Variants in CEP112 observed in about 807,000 individuals in gnomAD.
CEP112 encodes centrosomal protein of 112 kDa.
CEP112 carries 127 observed loss-of-function variants against 153.0 expected under a neutral mutation model. That is an observed-to-expected ratio of 0.83 (90% CI 0.72 to 0.96). The LOEUF (loss-of-function observed/expected upper bound fraction) is 0.96, where lower values mean the gene tolerates loss of function less well. CEP112 is among the 40% of genes least tolerant of loss of function. The pLI, the probability that CEP112 is intolerant of heterozygous loss-of-function variation, is 0.00. For synonymous variants in CEP112, 358 were observed against 374.4 expected (o/e 0.96, Z 0.51); for missense variants, 1,089 against 1,101.2 (o/e 0.99, Z 0.16).
chr17:66,083,305 T>C (rs1042483384), intron 8 of CEP112, among the ~76,000 whole-genome samples: 1 of 152,174 alleles, frequency 6.6e-6, no homozygotes, highest in Non-Finnish European at 1.5e-5. Flanking sequence ...TTTGCTCCTC[T>C]TTTGCCTTCT....
At chr17:65,907,264 A>G (rs554920028) in intron 19 of CEP112, among the ~76,000 whole-genome samples, 78 of 152,332 alleles carry the variant, frequency 5.1e-4, no homozygotes, top group African/African-American at 1.8e-3. Flanking sequence ...TAGACTCATC[A>G]ATGATCATGC....
At chr17:65,908,418 C>T (rs1041353761) in intron 19 of CEP112, among the ~76,000 whole-genome samples, 17 of 151,850 alleles carry the variant, frequency 1.1e-4, no homozygotes, top group Non-Finnish European at 2.2e-4. Context: ...AAAAAGGGAC[C>T]GGGGCAGTGG....
intron 24 of CEP112, among the ~76,000 whole-genome samples, chr17:65,657,950 T>A (rs1398056313): frequency 6.6e-6 from 1 of 152,114 alleles, no homozygotes; most frequent in Non-Finnish European, 1.5e-5. Context: ...TTATGGAAGG[T>A]AGTAAAGGTT....
intron 19 of CEP112, among the ~76,000 whole-genome samples, chr17:65,915,130 T>G (rs2060428292): frequency 6.6e-6 from 1 of 152,184 alleles, no homozygotes; most frequent in African/African-American, 2.4e-5. Flanking sequence ...TTCCTCCACC[T>G]CTTCCTCATA....
At position 66,096,328 on chromosome 17, in the gene CEP112, T is replaced by A; in HGVS notation, c.691A>T (p.Met231Leu). The part of the protein sequence containing the change: ...LRQKPIPVSL[M>L]TPKFSLRKSS... ...TTTCTCAGGCTGAATTTCGGTGTCA[T>A]CTGCTAAATGAACAGGAGTTATTTA... is the stretch of plus-strand genomic sequence containing the variant. The change falls in exon 8 of 27, where the codon ATG becomes TTG. Residue 231 changes from methionine to leucine, a missense_variant and splice_region_variant. By Grantham distance (15) the Met-to-Leu change is conservative. Coordinates refer to ENST00000535342, the MANE Select transcript of CEP112 (RefSeq NM_001199165.4). 6.2e-7 allele frequency: 1 copy of A among 1,612,562 alleles called. No homozygotes were observed. The highest frequency in any genetic ancestry group is 8.5e-7 in the Non-Finnish European group (1 of 1,179,026).
intron 4 of CEP112, among the ~76,000 whole-genome samples, chr17:66,153,359 G>C (rs1001639332): frequency 6.6e-6 from 1 of 150,580 alleles, no homozygotes; most frequent in African/African-American, 2.5e-5. Flanking sequence ...GGAACACGAA[G>C]GAATGAACTA....
chr17:65,759,143 T>C (rs1274066353), intron 21 of CEP112, among the ~76,000 whole-genome samples: 1 of 152,114 alleles, frequency 6.6e-6, no homozygotes, highest in Non-Finnish European at 1.5e-5. Context: ...AGTTTACAAA[T>C]GCCAAGGCAA....
chr17:65,654,836 C>G (rs2045975118), intron 24 of CEP112: 1 of 413,978 alleles, frequency 2.4e-6, no homozygotes, highest in Non-Finnish European at 4.6e-6. Context: ...TGAATTTGTT[C>G]ATGAATCAAA....
At chr17:65,701,577 T>C (rs1256059770) in intron 23 of CEP112, among the ~76,000 whole-genome samples, 5 of 152,178 alleles carry the variant, frequency 3.3e-5, no homozygotes, top group Non-Finnish European at 5.9e-5. Context: ...TAGCTCTAAC[T>C]AGGGCTTGCC....
intron 20 of CEP112, among the ~76,000 whole-genome samples, chr17:65,880,507 G>T (rs746408383): frequency 6.6e-6 from 1 of 152,186 alleles, no homozygotes; most frequent in African/African-American, 2.4e-5. Context: ...TAATTCAACT[G>T]ACTGTGCAAG....
At chr17:66,032,539 C>A (rs4791095) in intron 12 of CEP112, among the ~76,000 whole-genome samples, 151,935 of 152,262 alleles carry the variant, frequency 1, 75,805 homozygotes, top group Non-Finnish European at 1. Context: ...CAAAGATTAC[C>A]AAGATTGCAA....
intron 21 of CEP112, among the ~76,000 whole-genome samples, chr17:65,851,157 C>G: frequency 6.6e-6 from 1 of 152,148 alleles, no homozygotes; most frequent in East Asian, 1.9e-4. Context: ...TCTTAAGAAA[C>G]TCAAGAGGCA....
At chr17:65,790,652 G>A (rs924767580) in intron 21 of CEP112, among the ~76,000 whole-genome samples, 6 of 152,142 alleles carry the variant, frequency 3.9e-5, no homozygotes, top group Non-Finnish European at 8.8e-5. Context: ...TCTAAACACA[G>A]GGCTCAGGCC....
At chr17:65,998,717 T>C (rs1461976528) in intron 17 of CEP112, among the ~76,000 whole-genome samples, 1 of 152,066 alleles carries the variant, frequency 6.6e-6, no homozygotes, top group Non-Finnish European at 1.5e-5. Flanking sequence ...TCTAAATGCT[T>C]TATATTAACT....
At chr17:65,682,856 A>G (rs1051609803) in intron 24 of CEP112, among the ~76,000 whole-genome samples, 4 of 152,184 alleles carry the variant, frequency 2.6e-5, no homozygotes, top group Non-Finnish European at 4.4e-5. Flanking sequence ...AAACAACTAT[A>G]ATCACACACG....
At chr17:65,971,305 ATG>A (rs1444325211) in intron 17 of CEP112, among the ~76,000 whole-genome samples, 29 of 150,262 alleles carry the variant, frequency 1.9e-4, no homozygotes, top group African/African-American at 5.1e-4. Flanking sequence ...TGCACGTTAC[ATG>A]TGTTTTACAA....
intron 24 of CEP112, among the ~76,000 whole-genome samples, chr17:65,660,347 TCTCG>T (rs1352288769): frequency 2.0e-4 from 7 of 34,664 alleles, no homozygotes; most frequent in Non-Finnish European, 3.7e-4. Context: ...TCTTTTTCTC[TCTCG>T]TTCCTTCCTC....
chr17:65,973,458 T>C (rs1275059408), intron 17 of CEP112, among the ~76,000 whole-genome samples: 3 of 152,230 alleles, frequency 2.0e-5, no homozygotes, highest in African/African-American at 4.8e-5. Flanking sequence ...ATTTGAACAC[T>C]TTCCAAGGTA....
chr17:65,654,028 T>C (rs7219440), intron 24 of CEP112, among the ~76,000 whole-genome samples: 68,591 of 135,060 alleles, frequency 0.51, 16,974 homozygotes, highest in Middle Eastern at 0.68. Context: ...CACTGTACTC[T>C]AGCCTGGCAA....
Sources: allele counts gnomAD v4.1 joint callset (sites outside exome capture counted in the v4.1 genomes callset), GRCh38; gene constraint gnomAD v4.1.1; transcripts MANE v1.5; gene names NCBI Gene and HGNC (gene_info 2026-07-23, HGNC 2026-07-21).